The following SETD1B variants were observed in gnomAD, a reference collection of about 807,000 sequenced individuals.
SETD1B encodes SET domain containing 1B, histone lysine methyltransferase.
A neutral mutation model predicts 148.0 loss-of-function variants in SETD1B; 7 were observed. That is an observed-to-expected ratio of 0.05 (90% CI 0.03 to 0.09). The LOEUF is 0.09. Ranked by LOEUF, SETD1B falls within the 10% of genes least tolerant of loss-of-function variation. SETD1B has a pLI of 1.00. For synonymous variants in SETD1B, 1,361 were observed against 1,186.5 expected, an observed-to-expected ratio of 1.15 and a Z score of -3.02; for missense variants, 2,155 against 2,729.9, an observed-to-expected ratio of 0.79 and a Z score of 4.69.
chr12:121,816,738 T>C (rs1008403059), intron 7 of SETD1B, among the ~76,000 whole-genome samples: 2 of 152,242 alleles, frequency 1.3e-5, no homozygotes, highest in African/African-American at 4.8e-5. Flanking sequence ...GTTGCACAGA[T>C]GTGTCCCTAT....
At position 121,814,387 on chromosome 12, in the gene SETD1B, A is replaced by G; in HGVS notation, c.2172A>G (p.Thr724=). 8.7e-7 allele frequency: 1 copy of G among 1,146,392 alleles called. No homozygotes were observed. The highest frequency in any genetic ancestry group is 1.6e-5 in the South Asian group (1 of 63,116). 71.0% of individuals were successfully genotyped at this position (1,146,392 alleles called of 1,614,324 possible). A position where few individuals can be genotyped will look rare whatever the true frequency, so the allele number is the denominator to read the frequency against. ...PPPPPAHPAV[T]VPPPPLPAPP... ...CCCCTCCAGCCCACCCTGCTGTGAC[A>G]GTGCCCCCACCACCCTTGCCAGCGC... The change falls in exon 7 of 17, where the codon ACA becomes ACG. Residue 724 remains threonine (T), a synonymous_variant. Coordinates refer to ENST00000604567, the MANE Select transcript of SETD1B (RefSeq NM_001353345.2).
At chr12:121,825,781 A>G (rs1041440704) in intron 13 of SETD1B, among the ~76,000 whole-genome samples, 1 of 152,080 alleles carries the variant, frequency 6.6e-6, no homozygotes, top group East Asian at 1.9e-4. Context: ...AGTAGCTGGG[A>G]TTACAGGTGC....
chr12:121,827,358 A>T (rs927021917), intron 13 of SETD1B, among the ~76,000 whole-genome samples, 161 bp from the exon 14 acceptor site: 5 of 152,066 alleles, frequency 3.3e-5, no homozygotes, highest in Admixed American at 2.6e-4. Flanking sequence ...TACTGATGGG[A>T]TGGAGGAGGC....
Position 121,810,130 on chromosome 12 carries a change from T to G in SETD1B, c.1185T>G (p.Ser395=). The change falls in exon 6 of 17, where the codon TCT becomes TCG. Residue 395 remains serine, a synonymous_variant. Transcript: ENST00000604567. This position sits in a 1 kb window ranked among gnomAD's most constrained non-coding sequence, Gnocchi z 7.6. ...AQATPAPGFK[S]AFSPYQTPVA... ...CAACCCCTGCTCCTGGATTCAAGTC[T>G]GCTTTCTCTCCGTATCAGACCCCAG... The G allele has an allele frequency of 6.5e-7, 1 of 1,550,018 alleles. No individual in the cohort carries two copies. Among genetic ancestry groups the G allele is most frequent in the Non-Finnish European group, 8.7e-7 (1 of 1,146,876 alleles).
At position 121,825,252 on chromosome 12, in the gene SETD1B, G is replaced by A; in HGVS notation, c.5223G>A (p.Glu1741=). 1 of 1,551,812 alleles carries A rather than the reference G, an allele frequency of 6.4e-7. No homozygotes were observed. Among genetic ancestry groups the A allele is most frequent in the Non-Finnish European group, 8.7e-7 (1 of 1,147,058 alleles). The change falls in exon 13 of 17, where the codon GAG becomes GAA. Residue 1741 remains glutamate, a synonymous_variant. Coordinates refer to ENST00000604567, the MANE Select transcript of SETD1B (RefSeq NM_001353345.2). ...AGAAACGGGACGATGGCATCCGCGA[G>A]CACGTGACGGGCTGTGCCCGCAGTG... The part of the protein sequence containing the change: ...KKKKRDDGIR[E]HVTGCARSEG...
At chr12:121,825,485 CAGAG>C in intron 13 of SETD1B, 119 bp downstream of exon 13, 2 of 838,016 alleles carry the variant, frequency 2.4e-6, no homozygotes, top group East Asian at 2.9e-5. Flanking sequence ...GGCTGGCACA[CAGAG>C]GGTGCAAGTG....
intron 16 of SETD1B, 124 bp downstream of exon 16, chr12:121,828,194 C>G: frequency 7.6e-7 from 1 of 1,320,864 alleles, no homozygotes; most frequent in Non-Finnish European, 1.0e-6. Context: ...CTCAGGTTGG[C>G]CAAGGGTTAT....
Position 121,814,110 on chromosome 12 carries a change from A to C in SETD1B, c.1895A>C (p.Gln632Pro). 1.9e-6 allele frequency: 3 copies of C among 1,547,442 alleles called. No homozygotes were observed. The highest frequency in any genetic ancestry group is 2.6e-6 in the Non-Finnish European group (3 of 1,146,128). The change falls in exon 7 of 17, where the codon CAG becomes CCG. Residue 632 changes from glutamine to proline, a missense_variant. Physicochemically the swap from Gln to Pro is moderately conservative, Grantham distance 76. Around this residue, in one of 11 missense-constraint regions of SETD1B, gnomAD observed 295 missense variants for 303.8 expected, o/e 0.97. Coordinates refer to ENST00000604567, the MANE Select transcript of SETD1B (RefSeq NM_001353345.2). ...TPTSEKMDEG[Q>P]QSSGEDMEIS... The stretch of plus-strand genomic sequence containing the variant: ...CTCTCCCTGCTCTCTCTGCAGGGCC[A>C]GCAGTCCTCAGGCGAGGACATGGAG...
Position 121,810,055 on chromosome 12 carries a change from T to C in SETD1B, c.1110T>C (p.Ala370=). 6.5e-7 allele frequency: 1 copy of C among 1,550,066 alleles called. No homozygotes were observed. Among genetic ancestry groups the C allele is most frequent in the South Asian group, 1.2e-5 (1 of 84,056 alleles). ...GCAGCAGCGGTCCCCCGTTCAAGGC[T>C]CAACCACAGGATTCAGCCACATTTG... The part of the protein sequence containing the change: ...TGGSSGPPFK[A]QPQDSATFAH... The change falls in exon 6 of 17, where the codon GCT becomes GCC. Residue 370 remains alanine (A), a synonymous_variant. Transcript: ENST00000604567. This position sits in a 1 kb window ranked among gnomAD's most constrained non-coding sequence, Gnocchi z 7.6.
At chr12:121,793,197 T>C in the SETD1B span, 2 of 1,550,844 alleles carry the variant, frequency 1.3e-6, no homozygotes, top group South Asian at 2.4e-5. Context: ...CTGCCAACGG[T>C]CACGCTGGCC....
At position 121,804,663 on chromosome 12, in the gene SETD1B, T is replaced by G; in HGVS notation, c.-14-61T>G. ...CCTGCCGATTGGATTCTTTCGCGTG[T>G]GTGTAGAAGCGGCCGCCGCCGCCGC... On this transcript the variant is annotated intron_variant, in intron 1 of 16. Transcript: ENST00000604567. This position sits in a 1 kb window ranked among gnomAD's most constrained non-coding sequence, Gnocchi z 4.6. 1 of 1,419,070 alleles carries G rather than the reference T, an allele frequency of 7.0e-7. No homozygotes were observed. Among genetic ancestry groups the G allele is most frequent in the Non-Finnish European group, 9.5e-7 (1 of 1,047,164 alleles). The allele number at this position is 1,419,070 out of a possible 1,614,324, so 87.9% of individuals were successfully genotyped here.
intron 5 of SETD1B, 135 bp from the exon 6 acceptor site, chr12:121,809,468 C>G: frequency 1.0e-6 from 1 of 971,114 alleles, no homozygotes; most frequent in Non-Finnish European, 1.5e-6. Flanking sequence ...TCAATCTCCC[C>G]CACTTCCATT....
upstream of SETD1B, chr12:121,803,057 A>G (rs1592969988): frequency 1.3e-5 from 2 of 151,864 alleles, no homozygotes; most frequent in Admixed American, 1.3e-4. This position sits in a 1 kb window ranked among gnomAD's most constrained non-coding sequence, Gnocchi z 4.7. Flanking sequence ...CCACGGCCAA[A>G]TTACAAACCC....
chr12:121,799,639 A>C (rs1192327056), upstream of SETD1B: 1 of 149,802 alleles, frequency 6.7e-6, no homozygotes, highest in South Asian at 2.1e-4. Context: ...TACACGCCCC[A>C]AATGCCTGAC....
In SETD1B at chr12:121,822,957, G is replaced by A. The variant is rs773056348; in HGVS notation, c.4378G>A (p.Gly1460Arg). ...LPTGRRDERSGPLASPVLLET... is the reference protein window; with the variant it reads ...LPTGRRDERSRPLASPVLLET... ...CACTGGCCGACGCGATGAACGCTCC[G>A]GGCCCCTGGCCTCCCCGGTGCTCCT... Residue 1460 changes from glycine (G) to arginine (R), a missense_variant, in exon 12 of 17, where the codon GGG (glycine) becomes AGG (arginine). By Grantham distance (125) the Gly-to-Arg change is moderately radical (BLOSUM62 -2). Around this residue, in one of 11 missense-constraint regions of SETD1B, gnomAD observed 862 missense variants for 873.8 expected, o/e 0.99. Coordinates refer to ENST00000604567, the MANE Select transcript of SETD1B (RefSeq NM_001353345.2). 1.3e-5 allele frequency: 20 copies of A among 1,538,816 alleles called. No individual in the cohort carries two copies. Among genetic ancestry groups the A allele is most frequent in the South Asian group, 7.2e-5 (6 of 82,780 alleles).
chr12:121,793,291 G>A, the SETD1B span: 1 of 1,508,048 alleles, frequency 6.6e-7, no homozygotes, highest in East Asian at 2.5e-5. Context: ...GGGGGCCAAA[G>A]TTCCAGCTGA....
Position 121,827,721 on chromosome 12 carries a change from C to T in SETD1B, c.5470-14C>T, listed in dbSNP as rs1876907845. On this transcript the variant is annotated splice_polypyrimidine_tract_variant and intron_variant, in intron 14 of 16. Coordinates refer to ENST00000604567, the MANE Select transcript of SETD1B (RefSeq NM_001353345.2). ...GAGACCGGGGCTCACCTCTCCCCCT[C>T]TTCCCTCCCACAGTTCCGGAAGAAA... 1.9e-6 allele frequency: 3 copies of T among 1,551,744 alleles called. No homozygotes were observed. The highest frequency in any genetic ancestry group is 2.6e-6 in the Non-Finnish European group (3 of 1,147,056).
chr12:121,802,829 G>C (rs1404670269), upstream of SETD1B: 1 of 152,244 alleles, frequency 6.6e-6, no homozygotes, highest in African/African-American at 2.4e-5. Context: ...GAACTGGATG[G>C]TAGAGTCAAA....
the SETD1B span, chr12:121,793,312 C>T: frequency 6.9e-7 from 1 of 1,456,924 alleles, no homozygotes; most frequent in East Asian, 2.5e-5. Flanking sequence ...ATCCACTGTC[C>T]ACCCCCCTCA....
Sources: allele counts gnomAD v4.1 joint callset (sites outside exome capture counted in the v4.1 genomes callset), GRCh38; gene constraint gnomAD v4.1.1; regional missense constraint gnomAD v4.1.1; non-coding constraint Gnocchi (gnomAD v3.1); transcripts MANE v1.5; gene names NCBI Gene and HGNC (gene_info 2026-07-23, HGNC 2026-07-21).